Variants in UNC5C observed in about 807,000 individuals in gnomAD.
UNC5C encodes the protein netrin receptor UNC5C.
In UNC5C, 47 loss-of-function variants were observed where a neutral mutation model predicts 99.8. The ratio of observed to expected loss-of-function variants is 0.47; its 90% CI spans 0.37 to 0.60. The LOEUF is 0.60. Among genes scored for constraint, UNC5C ranks in the 20% least tolerant of loss-of-function variants. The pLI is 0.00. For synonymous variants in UNC5C, 487 were observed against 452.2 expected, an observed-to-expected ratio of 1.08 and a Z score of -0.98; for missense variants, 1,062 against 1,165.9, an observed-to-expected ratio of 0.91 and a Z score of 1.30.
chr4:95,239,601 T>C (rs1031745036), intron 7 of UNC5C, among the ~76,000 whole-genome samples: 1 of 152,210 alleles, frequency 6.6e-6, no homozygotes, highest in African/African-American at 2.4e-5. Flanking sequence ...AGCTTGGAGT[T>C]GCAGCTTCAT....
intron 7 of UNC5C, among the ~76,000 whole-genome samples, chr4:95,242,184 A>T (rs2001246): frequency 0.14 from 20,864 of 152,208 alleles, 2,151 homozygotes; most frequent in African/African-American, 0.28. Flanking sequence ...TATAAGTGAT[A>T]GAATCAACCC....
At chr4:95,423,852 C>T (rs986793054) in intron 1 of UNC5C, among the ~76,000 whole-genome samples, 9 of 152,064 alleles carry the variant, frequency 5.9e-5, no homozygotes, top group African/African-American at 1.9e-4. Context: ...TAAACGTTCT[C>T]GAACATCTTT....
At chr4:95,529,669 G>A (rs1722592309) in intron 1 of UNC5C, among the ~76,000 whole-genome samples, 1 of 152,018 alleles carries the variant, frequency 6.6e-6, no homozygotes, top group Non-Finnish European at 1.5e-5. Context: ...CGAAGCTGCA[G>A]TGAGCTGTGA....
intron 14 of UNC5C, among the ~76,000 whole-genome samples, chr4:95,170,774 TGAG>T (rs1233664379): frequency 6.6e-6 from 1 of 152,224 alleles, no homozygotes; most frequent in Non-Finnish European, 1.5e-5. Context: ...AGCCTGACCT[TGAG>T]GAGAAAGTCC....
intron 1 of UNC5C, among the ~76,000 whole-genome samples, chr4:95,506,452 G>A (rs1721924860): frequency 6.6e-6 from 1 of 151,988 alleles, no homozygotes; most frequent in Non-Finnish European, 1.5e-5. Flanking sequence ...CTAGGTGATA[G>A]TGATGTTAAG....
chr4:95,199,739 G>T (rs1358087111), intron 12 of UNC5C, among the ~76,000 whole-genome samples: 1 of 152,124 alleles, frequency 6.6e-6, no homozygotes, highest in Non-Finnish European at 1.5e-5. Flanking sequence ...CTTCAAATAT[G>T]ATGTAGGTCT....
intron 1 of UNC5C, 71 bp from the exon 2 acceptor site, chr4:95,335,702 T>A: frequency 8.1e-7 from 1 of 1,240,100 alleles, no homozygotes; most frequent in Non-Finnish European, 1.1e-6. Context: ...GCTAGTCATG[T>A]AAAAATAGTG....
At chr4:95,341,265 T>C (rs998321452) in intron 1 of UNC5C, among the ~76,000 whole-genome samples, 1 of 152,098 alleles carries the variant, frequency 6.6e-6, no homozygotes, top group African/African-American at 2.4e-5. Context: ...AATTACTTAT[T>C]TGAATAAGAC....
At chr4:95,377,483 C>T (rs1337888009) in intron 1 of UNC5C, among the ~76,000 whole-genome samples, 9 of 152,120 alleles carry the variant, frequency 5.9e-5, no homozygotes, top group Non-Finnish European at 1.2e-4. Flanking sequence ...CAAGTGAAAC[C>T]GCTTTGGCAT....
At chr4:95,343,565 A>G (rs1261026960) in intron 1 of UNC5C, among the ~76,000 whole-genome samples, 10 of 152,134 alleles carry the variant, frequency 6.6e-5, no homozygotes, top group Non-Finnish European at 8.8e-5. Context: ...GCCATCCAAG[A>G]AAACATGACC....
chr4:95,397,728 T>C (rs922407974), intron 1 of UNC5C, among the ~76,000 whole-genome samples: 2 of 152,204 alleles, frequency 1.3e-5, no homozygotes, highest in African/African-American at 4.8e-5. Context: ...TGGACAAATG[T>C]CCGTATACTG....
Position 95,271,486 on chromosome 4 carries a change from A to C in UNC5C, c.594+6773T>G, listed in dbSNP as rs954866792. 9.9e-5 allele frequency among the ~76,000 whole-genome samples: 15 copies of C among 151,910 alleles called. No individual in the cohort carries two copies. In the South Asian group the frequency reaches 1.2e-3, roughly 13 times the overall value. On this transcript the variant is annotated intron_variant, in intron 4 of 15. Transcript: ENST00000453304. The stretch of plus-strand genomic sequence containing the variant: ...CCTCGTGATCCGCCCGCCTCGGCCT[A>C]CCAAAGTGCTGGGATTACAGGCGTG...
At chr4:95,416,898 T>C (rs543893781) in intron 1 of UNC5C, among the ~76,000 whole-genome samples, 1 of 152,310 alleles carries the variant, frequency 6.6e-6, no homozygotes, top group Non-Finnish European at 1.5e-5. Context: ...ACTGAATGCA[T>C]ATATTAGAGC....
chr4:95,301,265 G>A (rs1218779704), intron 3 of UNC5C, among the ~76,000 whole-genome samples: 3 of 139,510 alleles, frequency 2.2e-5, no homozygotes, highest in South Asian at 2.2e-4. Flanking sequence ...GCATAATCTC[G>A]GCTCACTGCA....
intron 7 of UNC5C, among the ~76,000 whole-genome samples, chr4:95,239,111 G>A (rs1368848598): frequency 6.6e-6 from 1 of 152,106 alleles, no homozygotes; most frequent in Admixed American, 6.5e-5. Context: ...ACTTTGTATT[G>A]TAAGCTTATT....
At chr4:95,409,845 G>A (rs1330050033) in intron 1 of UNC5C, among the ~76,000 whole-genome samples, 1 of 152,128 alleles carries the variant, frequency 6.6e-6, no homozygotes, top group Non-Finnish European at 1.5e-5. Context: ...GTCACAAGAG[G>A]CTAATGTCTG....
intron 1 of UNC5C, among the ~76,000 whole-genome samples, chr4:95,489,250 A>G (rs899890804): frequency 1.3e-5 from 2 of 151,666 alleles, no homozygotes; most frequent in Non-Finnish European, 2.9e-5. Context: ...GACATGTTCA[A>G]TTTCTGAGGT....
rs1723156188 is a variant in UNC5C at position 95,548,943 on chromosome 4, C to G, written c.-86G>C. 6.5e-7 allele frequency: 1 copy of G among 1,529,982 alleles called. No homozygotes were observed. The highest frequency in any genetic ancestry group is 8.9e-7 in the Non-Finnish European group (1 of 1,122,530). 94.8% of individuals were successfully genotyped at this position (1,529,982 alleles called of 1,614,324 possible). ...AGCCCCACTGGGCAGAAGCTGAATCCGTGCACCGCGAAGCAGTCCGAAGAA... is the reference window on the plus strand; with the variant it reads ...AGCCCCACTGGGCAGAAGCTGAATCGGTGCACCGCGAAGCAGTCCGAAGAA... On this transcript the variant is annotated 5_prime_UTR_variant, in exon 1 of 16. Transcript: ENST00000453304.
At chr4:95,170,080 C>CTA in intron 15 of UNC5C, 74 bp downstream of exon 15, 2 of 1,526,232 alleles carry the variant, frequency 1.3e-6, no homozygotes, top group Non-Finnish European at 1.8e-6. Flanking sequence ...TGAAGCTAAC[C>CTA]CTACGTCTAA....
Sources: gnomAD v4.1 joint callset for allele counts (sites outside exome capture counted in the v4.1 genomes callset) on GRCh38, gnomAD v4.1.1 for gene constraint, MANE v1.5 for transcripts, NCBI Gene and HGNC (gene_info 2026-07-23, HGNC 2026-07-21) for gene names.